ADTRP: variants seen among roughly 807,000 people sequenced by gnomAD.
The protein encoded by ADTRP is androgen-dependent TFPI-regulating protein.
A neutral mutation model predicts 27.0 loss-of-function variants in ADTRP; 20 were observed. The observed-to-expected ratio is 0.74, with a 90% CI of 0.52 to 1.08. The LOEUF (loss-of-function observed/expected upper bound fraction) is 1.08, where lower values mean the gene tolerates loss of function less well. Among genes scored for constraint, ADTRP ranks in the 50% least tolerant of loss-of-function variants. The probability of loss-of-function intolerance (pLI) is 0.00; values close to 1 mark genes in which losing one functional copy is unlikely to be tolerated. For missense variants in ADTRP, 251 were observed against 275.0 expected (o/e 0.91, Z 0.62); for synonymous variants, 101 against 105.2 (o/e 0.96, Z 0.25).
intron 5 of ADTRP, among the ~76,000 whole-genome samples, chr6:11,720,475 C>CCTT (rs397749112): frequency 7.4e-5 from 11 of 148,786 alleles, no homozygotes; most frequent in South Asian, 2.1e-4. Flanking sequence ...GGGATATACC[C>CCTT]TTTTCTTTTT....
chr6:11,756,522 A>C (rs1763218738), intron 3 of ADTRP, among the ~76,000 whole-genome samples: 1 of 152,192 alleles, frequency 6.6e-6, no homozygotes. Context: ...CAAAGAGTAC[A>C]CAAGACCTCT....
intron 5 of ADTRP, 90 bp downstream of exon 5, chr6:11,723,259 T>C: frequency 6.7e-7 from 1 of 1,495,938 alleles, no homozygotes; most frequent in South Asian, 1.3e-5. Flanking sequence ...TTGCTTCTGT[T>C]TGCGGCTAGT....
chr6:11,751,588 G>T (rs973683836), intron 3 of ADTRP, among the ~76,000 whole-genome samples: 1 of 151,938 alleles, frequency 6.6e-6, no homozygotes, highest in Non-Finnish European at 1.5e-5. Context: ...CTCTATTTTT[G>T]CTCAGCATTT....
chr6:11,728,271 G>C (rs1762280930), intron 4 of ADTRP: 1 of 152,330 alleles, frequency 6.6e-6, no homozygotes. Context: ...CTAAAAGCGA[G>C]CTCTGTCCAC....
chr6:11,717,631 A>C (rs1761875462), intron 5 of ADTRP, among the ~76,000 whole-genome samples: 1 of 152,238 alleles, frequency 6.6e-6, no homozygotes, highest in Non-Finnish European at 1.5e-5. Context: ...GACTCAGAAA[A>C]GGGCAAGAAA....
At position 11,758,576 on chromosome 6, in the gene ADTRP, G is replaced by GGC. The variant is rs1554114779; in HGVS notation, c.390+7697_390+7698insGC. Reference sequence around the variant, plus strand: ...CACACACCGGGGACTGTTGTGGGGTGGGGGGGGGGGACGGATAGCATTAGG... The same window carrying GGC: ...CACACACCGGGGACTGTTGTGGGGTGGCGGGGGGGGGGACGGATAGCATTAGG... On this transcript the variant is annotated intron_variant, in intron 3 of 5. Coordinates refer to ENST00000414691, the MANE Select transcript of ADTRP (RefSeq NM_032744.4). Among the ~76,000 whole-genome samples, 16 of 16,342 alleles carry GGC rather than the reference G, an allele frequency of 9.8e-4. 2 individuals carry two copies. The highest frequency in any genetic ancestry group is 1.6e-3 in the Non-Finnish European group (12 of 7,412). 10.7% of individuals were successfully genotyped at this position (16,342 alleles called of 152,430 possible). A position where few individuals can be genotyped will look rare whatever the true frequency, so the allele number is the denominator to read the frequency against.
chr6:11,714,422 AT>A lies in ADTRP; in HGVS notation c.*55del. The A allele has an allele frequency of 1.3e-6, 2 of 1,485,960 alleles. No homozygotes were observed. Among genetic ancestry groups the A allele is most frequent in the African/African-American group, 2.9e-5 (2 of 68,740 alleles). 92.0% of individuals were successfully genotyped at this position (1,485,960 alleles called of 1,614,324 possible). A position where few individuals can be genotyped will look rare whatever the true frequency, so the allele number is the denominator to read the frequency against. ...CCTCCACCAGAAAAAAAAAAAAAAG[AT>A]GAGAAAAATCTCTTGTGTTTTCTTC... On this transcript the variant is annotated 3_prime_UTR_variant, in exon 6 of 6. Transcript: ENST00000414691.
intron 5 of ADTRP, among the ~76,000 whole-genome samples, chr6:11,719,212 C>T (rs1761930738): frequency 6.6e-6 from 1 of 152,156 alleles, no homozygotes; most frequent in South Asian, 2.1e-4. Context: ...TGTCCTCAGA[C>T]CAGCAGCATC....
intron 2 of ADTRP, chr6:11,767,516 AC>A (rs1436165333): frequency 6.6e-6 from 1 of 152,270 alleles, no homozygotes; most frequent in African/African-American, 2.4e-5. Flanking sequence ...CAGGACAATG[AC>A]AGGTAGAAGA....
chr6:11,770,211 C>T (rs1763724280), intron 1 of ADTRP: 4 of 840,104 alleles, frequency 4.8e-6, no homozygotes, highest in Admixed American at 4.3e-5. Context: ...CACAAACCAC[C>T]GCTGCCTGGT....
At chr6:11,715,542 A>G (rs1761783194) in intron 5 of ADTRP, among the ~76,000 whole-genome samples, 1 of 152,000 alleles carries the variant, frequency 6.6e-6, no homozygotes, top group African/African-American at 2.4e-5. Context: ...CTCCTCATCA[A>G]TCTAGACTAC....
At chr6:11,766,648 A>G (rs746696847) in intron 2 of ADTRP, among the ~76,000 whole-genome samples, 4 of 152,236 alleles carry the variant, frequency 2.6e-5, no homozygotes, top group Non-Finnish European at 5.9e-5. Flanking sequence ...GGCAGAGAAG[A>G]TATGAATAAA....
rs184497023 is a variant in ADTRP at position 11,770,029 on chromosome 6, A to G, written c.154-1646T>C. ...CACCATTTTACAAACGAGGAAACAA[A>G]CCTGCCTAAAGCTTCCTGGCTGGTA... On this transcript the variant is annotated intron_variant, in intron 1 of 5. Coordinates refer to ENST00000414691, the MANE Select transcript of ADTRP (RefSeq NM_032744.4). 3,969 of 1,551,644 alleles carry G rather than the reference A, an allele frequency of 2.6e-3. 81 individuals carry two copies. The African/African-American group carries it at 0.045, about 18-fold the overall frequency.
chr6:11,767,223 AGT>A (rs1424035677), intron 2 of ADTRP, among the ~76,000 whole-genome samples: 2 of 152,168 alleles, frequency 1.3e-5, no homozygotes, highest in Non-Finnish European at 2.9e-5. Context: ...AATACAAAAA[AGT>A]AGCCAGGTGA....
chr6:11,760,332 G>C (rs1415997893), intron 3 of ADTRP, among the ~76,000 whole-genome samples: 1 of 152,108 alleles, frequency 6.6e-6, no homozygotes, highest in African/African-American at 2.4e-5. Context: ...GGTCTGACTC[G>C]AGTCCTCTTA....
At chr6:11,755,732 A>C (rs895307576) in intron 3 of ADTRP, among the ~76,000 whole-genome samples, 2 of 152,214 alleles carry the variant, frequency 1.3e-5, no homozygotes, top group African/African-American at 4.8e-5. Context: ...GAATTTTTTA[A>C]AAAAGGGTGG....
chr6:11,761,842 G>A (rs75725812), intron 3 of ADTRP, among the ~76,000 whole-genome samples: 2,502 of 152,292 alleles, frequency 0.016, 55 homozygotes, highest in African/African-American at 0.056. Flanking sequence ...CAGGTTCACA[G>A]AGGAGCCTCT....
chr6:11,739,306 G>A (rs958164596), intron 3 of ADTRP, among the ~76,000 whole-genome samples: 8 of 152,108 alleles, frequency 5.3e-5, no homozygotes, highest in African/African-American at 1.7e-4. Context: ...AATAGCATGC[G>A]TAAACAGAGG....
intron 4 of ADTRP, among the ~76,000 whole-genome samples, chr6:11,730,183 A>G (rs1762341371): frequency 6.6e-6 from 1 of 152,026 alleles, no homozygotes; most frequent in South Asian, 2.1e-4. Context: ...GCTGGGCTGG[A>G]CCCCGCATGT....
Sources: gnomAD v4.1 joint callset for allele counts (sites outside exome capture counted in the v4.1 genomes callset) on GRCh38, gnomAD v4.1.1 for gene constraint, MANE v1.5 for transcripts, NCBI Gene and HGNC (gene_info 2026-07-23, HGNC 2026-07-21) for gene names.